Variants in FAM20C observed in about 807,000 individuals in gnomAD.
FAM20C encodes extracellular serine/threonine protein kinase FAM20C.
Under a neutral mutation model 51.5 loss-of-function variants are expected in FAM20C, and 40 were observed. That is an observed-to-expected ratio of 0.78 (90% CI 0.60 to 1.01). The LOEUF (loss-of-function observed/expected upper bound fraction) is 1.01. FAM20C is among the 50% of genes least tolerant of loss of function. FAM20C has a pLI of 0.00. For missense variants in FAM20C, 861 were observed against 844.7 expected (o/e 1.02, Z -0.24); for synonymous variants, 406 against 380.6 (o/e 1.07, Z -0.78).
At chr7:217,001 C>T (rs558597354) in intron 3 of FAM20C, among the ~76,000 whole-genome samples, 46 of 152,256 alleles carry the variant, frequency 3.0e-4, no homozygotes, top group African/African-American at 1.1e-3. Flanking sequence ...CAGCATCGTA[C>T]TGGCGTGAAG....
At chr7:196,572 C>T (rs557250711) in intron 2 of FAM20C, among the ~76,000 whole-genome samples, 17 of 152,276 alleles carry the variant, frequency 1.1e-4, no homozygotes, top group Admixed American at 3.9e-4. Flanking sequence ...GCCATGACAG[C>T]CTGAAGGCAG....
intron 3 of FAM20C, among the ~76,000 whole-genome samples, chr7:223,375 G>A (rs1787326206): frequency 1.3e-5 from 2 of 152,190 alleles, no homozygotes; most frequent in African/African-American, 4.8e-5. Flanking sequence ...GCAGGGGCTC[G>A]ATGTGTGGTT....
intron 2 of FAM20C, among the ~76,000 whole-genome samples, chr7:202,926 G>A (rs1418545202): frequency 6.6e-6 from 1 of 152,216 alleles, no homozygotes; most frequent in Non-Finnish European, 1.5e-5. Flanking sequence ...TGCATGATAT[G>A]TTTTTATTGC....
intron 1 of FAM20C, 83 bp downstream of exon 1, chr7:193,887 G>C: frequency 6.9e-7 from 1 of 1,456,444 alleles, no homozygotes; most frequent in Non-Finnish European, 9.1e-7. Context: ...GGCCCCAGAG[G>C]GCCGCCCCCC....
chr7:251,233 T>TCA (rs1456395301), intron 5 of FAM20C, among the ~76,000 whole-genome samples: 1 of 131,330 alleles, frequency 7.6e-6, no homozygotes, highest in African/African-American at 3.8e-5. Context: ...GCACGGCGGC[T>TCA]CACGCCTGCA....
intron 3 of FAM20C, among the ~76,000 whole-genome samples, chr7:240,768 C>T (rs945740270): frequency 0.012 from 1,875 of 152,246 alleles, 27 homozygotes; most frequent in East Asian, 0.093. Context: ...ACAATGCCAC[C>T]GATTGTGGCC....
chr7:237,030 G>C (rs962406945), intron 3 of FAM20C, among the ~76,000 whole-genome samples: 11 of 152,222 alleles, frequency 7.2e-5, no homozygotes, highest in African/African-American at 2.4e-4. Context: ...CAGAAGCCAG[G>C]GACAGCCCGC....
chr7:227,881 A>G (rs1787505721), intron 3 of FAM20C: 3 of 152,528 alleles, frequency 2.0e-5, no homozygotes, highest in Non-Finnish European at 2.9e-5. Context: ...TTTAAAATGG[A>G]TTTTCATTAA....
At chr7:223,977 G>A (rs922708223) in intron 3 of FAM20C, among the ~76,000 whole-genome samples, 2 of 152,094 alleles carry the variant, frequency 1.3e-5, no homozygotes, top group African/African-American at 4.8e-5. Flanking sequence ...GGACCGTCCT[G>A]TGTCTGCCCC....
At chr7:249,064 CTTTG>C (rs1788293695) in intron 5 of FAM20C, among the ~76,000 whole-genome samples, 1 of 152,220 alleles carries the variant, frequency 6.6e-6, no homozygotes, top group Non-Finnish European at 1.5e-5. Context: ...TCTTCCATTT[CTTTG>C]TTTATTTTAA....
chr7:244,786 C>A (rs1562391449), intron 3 of FAM20C, among the ~76,000 whole-genome samples: 1 of 152,230 alleles, frequency 6.6e-6, no homozygotes, highest in Admixed American at 6.5e-5. Context: ...TACCCAGGGC[C>A]CTGTCAAGGC....
At chr7:244,968 G>A (rs1253895309) in intron 3 of FAM20C, among the ~76,000 whole-genome samples, 2 of 152,230 alleles carry the variant, frequency 1.3e-5, no homozygotes, top group Admixed American at 1.3e-4. Context: ...GAGGACGGGA[G>A]CCACGGGCTG....
chr7:227,036 C>G (rs890343487), intron 3 of FAM20C, among the ~76,000 whole-genome samples: 1 of 152,094 alleles, frequency 6.6e-6, no homozygotes, highest in Admixed American at 6.5e-5. Flanking sequence ...CCTCCCCAGG[C>G]CGTCCGACCC....
intron 3 of FAM20C, among the ~76,000 whole-genome samples, chr7:226,623 C>T (rs955862086): frequency 5.3e-5 from 8 of 152,090 alleles, no homozygotes; most frequent in South Asian, 2.1e-4. Context: ...CGGGCACAGG[C>T]GGCCGCTCCA....
intron 5 of FAM20C, 115 bp downstream of exon 5, chr7:248,545 C>T (rs1788267061): frequency 1.8e-5 from 12 of 678,410 alleles, no homozygotes; most frequent in Non-Finnish European, 5.1e-6. Context: ...GCCAGGTAGC[C>T]TGGCACGGGG....
At chr7:235,460 C>T (rs1202493577) in intron 3 of FAM20C, among the ~76,000 whole-genome samples, 1 of 152,200 alleles carries the variant, frequency 6.6e-6, no homozygotes, top group Non-Finnish European at 1.5e-5. Flanking sequence ...CTCCCCCAAC[C>T]CCCGGGCAGG....
At chr7:222,815 A>G (rs1787289420) in intron 3 of FAM20C, among the ~76,000 whole-genome samples, 2 of 152,072 alleles carry the variant, frequency 1.3e-5, no homozygotes, top group African/African-American at 2.4e-5. Context: ...ATGCATGTGT[A>G]TGAGTGTGTA....
In FAM20C at chr7:193,590, C is replaced by T. The variant is rs1785693516; in HGVS notation, c.391C>T (p.Pro131Ser). 3 of 1,535,928 alleles carry T rather than the reference C, an allele frequency of 2.0e-6. No individual in the cohort carries two copies. The East Asian group carries it at 7.6e-5, about 39-fold the overall frequency. Residue 131 changes from proline to serine, a missense_variant, in exon 1 of 10, where the codon CCC becomes TCC. By Grantham distance (74) the Pro-to-Ser change is moderately conservative. This residue lies in a region of FAM20C where 561 missense variants were observed against 499.8 expected (regional missense o/e 1.12). Transcript: ENST00000313766. ...GGGGCGGGATCCCGGCGCCCTAAGA[C>T]CCCACGACCCCGCGCACCGGCCGCT... Reference protein sequence around the residue: ...LRGRDPGALRPHDPAHRPLLR... With the variant: ...LRGRDPGALRSHDPAHRPLLR...
intron 3 of FAM20C, among the ~76,000 whole-genome samples, chr7:245,676 C>T (rs965358073): frequency 6.6e-6 from 1 of 152,256 alleles, no homozygotes; most frequent in Admixed American, 6.5e-5. Flanking sequence ...ACCATGACCA[C>T]ATCGGTCAAA....
Sources: allele counts gnomAD v4.1 joint callset (sites outside exome capture counted in the v4.1 genomes callset), GRCh38; gene constraint gnomAD v4.1.1; regional missense constraint gnomAD v4.1.1; transcripts MANE v1.5; gene names NCBI Gene and HGNC (gene_info 2026-07-23, HGNC 2026-07-21).